The following GUCY1A2 variants were observed in gnomAD, a reference collection of about 807,000 sequenced individuals.
GUCY1A2 encodes guanylate cyclase 1 soluble subunit alpha 2.
GUCY1A2 carries 27 observed loss-of-function variants against 63.5 expected under a neutral mutation model. The observed-to-expected ratio is 0.43, with a 90% CI of 0.31 to 0.59. GUCY1A2 has a LOEUF of 0.59. Ranked by LOEUF, GUCY1A2 falls within the 20% of genes least tolerant of loss-of-function variation. GUCY1A2 has a pLI of 0.11. For synonymous variants in GUCY1A2, 364 were observed against 343.5 expected (o/e 1.06, Z -0.66); for missense variants, 768 against 913.3 (o/e 0.84, Z 2.05).
At chr11:106,901,491 CTTAT>C (rs1455778288) in intron 4 of GUCY1A2, among the ~76,000 whole-genome samples, 3 of 151,852 alleles carry the variant, frequency 2.0e-5, no homozygotes, top group African/African-American at 4.9e-5. Flanking sequence ...AGAAGGTTTT[CTTAT>C]TTATTTTTGA....
chr11:106,838,800 A>G lies in GUCY1A2; in HGVS notation c.1207-28322T>C, dbSNP rs530197206. Among the ~76,000 whole-genome samples, 6 of 152,086 alleles carry G rather than the reference A, an allele frequency of 3.9e-5. No individual in the cohort carries two copies. The South Asian group carries it at 1.0e-3, about 26-fold the overall frequency. ...TTTTTTTTGAGAAGTGTCTGTTCAT[A>G]TCCTTCGCCTACTTTTTGATGGGGT... On this transcript the variant is annotated intron_variant, in intron 4 of 7. Coordinates refer to ENST00000526355, the MANE Select transcript of GUCY1A2 (RefSeq NM_000855.3).
At chr11:107,010,818 C>T (rs1565359242) in intron 1 of GUCY1A2, among the ~76,000 whole-genome samples, 2 of 152,074 alleles carry the variant, frequency 1.3e-5, no homozygotes, top group African/African-American at 2.4e-5. Flanking sequence ...GCAACCTCCC[C>T]CTCCCACTTT....
At chr11:106,835,271 G>A (rs1352531795) in intron 4 of GUCY1A2, among the ~76,000 whole-genome samples, 1 of 151,668 alleles carries the variant, frequency 6.6e-6, no homozygotes, top group Non-Finnish European at 1.5e-5. Flanking sequence ...TTTAAAAAAT[G>A]GTTGAAAGTA....
chr11:106,810,416 G>T lies in GUCY1A2; in HGVS notation c.1269C>A (p.Gly423=), dbSNP rs746897651. 3.7e-6 allele frequency: 6 copies of T among 1,611,070 alleles called. No individual in the cohort carries two copies. The highest frequency in any genetic ancestry group is 3.3e-5 in the South Asian group (3 of 90,796). The change falls in exon 5 of 8, where the codon GGC becomes GGA. Residue 423 remains glycine (G), a synonymous_variant. Transcript: ENST00000526355. ...CATCCAACTTGTCCACACATGGAGAGCCCAAAAATAAAATGGAATTTGATT... is the reference window on the plus strand; with the variant it reads ...CATCCAACTTGTCCACACATGGAGATCCCAAAAATAAAATGGAATTTGATT... The part of the protein sequence containing the change: ...VPESNSILFL[G]SPCVDKLDEL...
rs1484852678 is a variant in GUCY1A2, at chr11:106,863,719, T to C, written c.1207-53241A>G. ...GGGATAGCATTGAGTCTATAATTAC[T>C]TTGGGCAGTATGGCCATTTTCATGA... On this transcript the variant is annotated intron_variant, in intron 4 of 7. Coordinates refer to ENST00000526355, the MANE Select transcript of GUCY1A2 (RefSeq NM_000855.3). Among the ~76,000 whole-genome samples the C allele has an allele frequency of 2.0e-5, 3 of 152,040 alleles. No individual in the cohort carries two copies. The East Asian group carries it at 5.8e-4, about 29-fold the overall frequency.
chr11:106,766,821 A>G (rs1864172248), intron 6 of GUCY1A2, among the ~76,000 whole-genome samples: 1 of 152,094 alleles, frequency 6.6e-6, no homozygotes. Context: ...TCAGTAAAAG[A>G]TTAAAAACCC....
intron 3 of GUCY1A2, among the ~76,000 whole-genome samples, chr11:106,965,084 T>A (rs1861110641): frequency 6.6e-6 from 1 of 152,136 alleles, no homozygotes; most frequent in Admixed American, 6.5e-5. Flanking sequence ...TGTTGTTTTT[T>A]TTTTAGGAAA....
At chr11:106,929,986 T>C (rs755523746) in intron 4 of GUCY1A2, among the ~76,000 whole-genome samples, 1 of 152,216 alleles carries the variant, frequency 6.6e-6, no homozygotes, top group African/African-American at 2.4e-5. Context: ...GATAGACAGA[T>C]ATGCCTTTTA....
At chr11:106,802,515 A>C (rs923910218) in intron 5 of GUCY1A2, among the ~76,000 whole-genome samples, 17 of 152,194 alleles carry the variant, frequency 1.1e-4, no homozygotes, top group African/African-American at 4.1e-4. Context: ...TGTATCATGA[A>C]GAAATTTCCA....
chr11:106,730,642 T>C (rs1159814532), intron 6 of GUCY1A2, among the ~76,000 whole-genome samples: 2 of 152,072 alleles, frequency 1.3e-5, no homozygotes, highest in Non-Finnish European at 2.9e-5. Context: ...AGTAATGGGA[T>C]TGCTGGGTTG....
chr11:106,713,557 AG>A (rs1329616695), intron 6 of GUCY1A2, among the ~76,000 whole-genome samples: 10 of 119,812 alleles, frequency 8.3e-5, no homozygotes, highest in Admixed American at 1.2e-4. Context: ...CCCAGGCTGG[AG>A]TGCAGTGGCG....
At chr11:106,839,117 T>G (rs1859159718) in intron 4 of GUCY1A2, among the ~76,000 whole-genome samples, 1 of 152,112 alleles carries the variant, frequency 6.6e-6, no homozygotes, top group African/African-American at 2.4e-5. Flanking sequence ...AGGTCTAACA[T>G]TTAAGTCTTG....
intron 6 of GUCY1A2, among the ~76,000 whole-genome samples, chr11:106,771,572 A>AC (rs1349658575): frequency 6.6e-6 from 1 of 151,796 alleles, no homozygotes; most frequent in Non-Finnish European, 1.5e-5. Flanking sequence ...ACATAGAGAG[A>AC]CCCCCATCTC....
intron 4 of GUCY1A2, among the ~76,000 whole-genome samples, chr11:106,841,825 C>A (rs1488235736): frequency 6.6e-6 from 1 of 151,930 alleles, no homozygotes; most frequent in African/African-American, 2.4e-5. Context: ...GCAAACAAAA[C>A]AAGCACAAAT....
chr11:106,714,749 G>A (rs752640470), intron 6 of GUCY1A2, among the ~76,000 whole-genome samples: 7 of 152,108 alleles, frequency 4.6e-5, no homozygotes, highest in Middle Eastern at 6.8e-3. Flanking sequence ...TCACAACTGG[G>A]AGGGAGAGGT....
intron 4 of GUCY1A2, among the ~76,000 whole-genome samples, chr11:106,839,191 T>A (rs948353814): frequency 6.6e-6 from 1 of 152,040 alleles, no homozygotes; most frequent in Non-Finnish European, 1.5e-5. Flanking sequence ...GCTTTCTACA[T>A]ATGGCTAGCC....
intron 4 of GUCY1A2, among the ~76,000 whole-genome samples, chr11:106,935,871 A>T (rs1178505816): frequency 6.6e-6 from 1 of 151,906 alleles, no homozygotes; most frequent in African/African-American, 2.4e-5. Context: ...TTAAAAAAAA[A>T]ATTAAAAAAA....
At chr11:106,878,460 G>A (rs2135469524) in intron 4 of GUCY1A2, among the ~76,000 whole-genome samples, 1 of 152,104 alleles carries the variant, frequency 6.6e-6, no homozygotes, top group Admixed American at 6.6e-5. Context: ...AAAAGAATGA[G>A]ATCTTGTCCT....
intron 4 of GUCY1A2, among the ~76,000 whole-genome samples, chr11:106,887,792 G>C (rs747142042): frequency 6.6e-6 from 1 of 152,252 alleles, no homozygotes; most frequent in African/African-American, 2.4e-5. Flanking sequence ...TTAAATGACC[G>C]GCATAAAAAC....
Sources: allele counts gnomAD v4.1 joint callset (sites outside exome capture counted in the v4.1 genomes callset), GRCh38; gene constraint gnomAD v4.1.1; transcripts MANE v1.5; gene names NCBI Gene and HGNC (gene_info 2026-07-23, HGNC 2026-07-21).